FAT3: variants seen among roughly 807,000 people sequenced by gnomAD.
FAT3 encodes protocadherin Fat 3.
In FAT3, 95 loss-of-function variants were observed where a neutral mutation model predicts 310.2. The ratio of observed to expected loss-of-function variants is 0.31; its 90% CI spans 0.26 to 0.36. The LOEUF is 0.36. Ranked by LOEUF, FAT3 falls within the 10% of genes least tolerant of loss-of-function variation. The probability of loss-of-function intolerance (pLI) is 1.00; values close to 1 mark genes in which losing one functional copy is unlikely to be tolerated. For synonymous variants in FAT3, 2,314 were observed against 2,192.9 expected (o/e 1.06, Z -1.54); for missense variants, 5,408 against 5,715.6 (o/e 0.95, Z 1.74).
intron 1 of FAT3, among the ~76,000 whole-genome samples, chr11:92,308,230 A>ATTATCTGTG (rs1486902957): frequency 6.6e-6 from 1 of 152,090 alleles, no homozygotes; most frequent in Non-Finnish European, 1.5e-5. Flanking sequence ...AGGTTGTTTG[A>ATTATCTGTG]TTATCTGTGT....
In FAT3 at chr11:92,831,759, G is replaced by C; in HGVS notation, c.9619G>C (p.Ala3207Pro). 1 of 1,613,512 alleles carries C rather than the reference G, an allele frequency of 6.2e-7. No homozygotes were observed. Residue 3207 changes from alanine to proline, a missense_variant, in exon 14 of 28, where the codon GCC (alanine) becomes CCC (proline). Ala to Pro is a conservative substitution (Grantham distance 27). This residue lies in a region of FAT3 where 4,588 missense variants were observed against 4,809.8 expected (regional missense o/e 0.95). Transcript: ENST00000525166. ...QQSSYNISVR[A>P]TDQSPGQSLS... is the part of the protein sequence containing the mutation. ...GTCTTCGTACAACATCAGCGTGCGG[G>C]CCACTGACCAGAGTCCTGGACAGTC...
intron 1 of FAT3, among the ~76,000 whole-genome samples, chr11:92,250,973 C>A (rs1287240778): frequency 1.3e-5 from 2 of 152,056 alleles, no homozygotes; most frequent in Admixed American, 6.6e-5. Flanking sequence ...AAAGTCAAAT[C>A]AATGGAGTGA....
Position 92,353,055 on chromosome 11 carries a change from G to A in FAT3, c.943G>A (p.Ala315Thr). The A allele has an allele frequency of 6.2e-7, 1 of 1,613,602 alleles. No individual in the cohort carries two copies. The highest frequency in any genetic ancestry group is 1.1e-5 in the South Asian group (1 of 91,060). Residue 315 changes from alanine to threonine, a missense_variant, in exon 2 of 28, where the codon GCT becomes ACT. By Grantham distance (58) the Ala-to-Thr change is moderately conservative. Around this residue, in one of 5 missense-constraint regions of FAT3, gnomAD observed 4,588 missense variants for 4,809.8 expected, o/e 0.95. Transcript: ENST00000525166. ...GGATCCTTTAGATCAGTTCTTCCTG[G>A]CTAAGGAAGGAAAGTGGTTGAATGA... ...AGDPLDQFFL[A>T]KEGKWLNEYK...
At chr11:92,436,253 C>T (rs1022793393) in intron 2 of FAT3, among the ~76,000 whole-genome samples, 5 of 152,276 alleles carry the variant, frequency 3.3e-5, no homozygotes, top group Admixed American at 1.3e-4. Flanking sequence ...AGTACTCCCA[C>T]GTCAGCCTCC....
intron 1 of FAT3, among the ~76,000 whole-genome samples, chr11:92,327,228 C>T (rs1030566928): frequency 6.6e-6 from 1 of 151,948 alleles, no homozygotes; most frequent in Non-Finnish European, 1.5e-5. Flanking sequence ...ATAGAAGATT[C>T]CCTTTTATTT....
rs761992062 is a variant in FAT3 at position 92,801,183 on chromosome 11, G to T, written c.8170G>T (p.Gly2724Trp). 1.2e-6 allele frequency: 2 copies of T among 1,613,876 alleles called. No homozygotes were observed. The highest frequency in any genetic ancestry group is 3.3e-5 in the Admixed American group (2 of 60,006). Reference sequence around the variant, plus strand: ...TACCATTGCAGAAGATACAGCCATTGGGAGTACAGTGGACACCCTGAGGAT... The same window carrying T: ...TACCATTGCAGAAGATACAGCCATTTGGAGTACAGTGGACACCCTGAGGAT... ...SFTIAEDTAI[G>W]STVDTLRILP... Residue 2724 changes from glycine (G) to tryptophan (W), a missense_variant, in exon 10 of 28, where the codon GGG (glycine) becomes TGG (tryptophan). Physicochemically the swap from Gly to Trp is radical, Grantham distance 184. Around this residue, in one of 5 missense-constraint regions of FAT3, gnomAD observed 4,588 missense variants for 4,809.8 expected, o/e 0.95. Transcript: ENST00000525166.
At chr11:92,336,025 C>G in intron 1 of FAT3, 1 of 486,570 alleles carries the variant, frequency 2.1e-6, no homozygotes, top group Non-Finnish European at 4.0e-6. Flanking sequence ...CTCCACTCAG[C>G]AACTGGTCAG....
chr11:92,282,311 C>T (rs1259895953), intron 1 of FAT3, among the ~76,000 whole-genome samples: 1 of 152,084 alleles, frequency 6.6e-6, no homozygotes, highest in African/African-American at 2.4e-5. Context: ...TTTTTTTCTG[C>T]ATCTTATTCC....
At chr11:92,641,874 A>G (rs1433347621) in intron 3 of FAT3, among the ~76,000 whole-genome samples, 2 of 152,254 alleles carry the variant, frequency 1.3e-5, no homozygotes, top group East Asian at 3.8e-4. Context: ...TCAAGCAAAC[A>G]AAAACAATGG....
intron 2 of FAT3, among the ~76,000 whole-genome samples, chr11:92,368,844 A>G (rs1409746978): frequency 6.8e-6 from 1 of 146,804 alleles, no homozygotes; most frequent in Non-Finnish European, 1.5e-5. Flanking sequence ...ATATATATAT[A>G]TATACACACA....
At chr11:92,486,489 T>G (rs1220800924) in intron 2 of FAT3, among the ~76,000 whole-genome samples, 1 of 152,118 alleles carries the variant, frequency 6.6e-6, no homozygotes, top group African/African-American at 2.4e-5. Context: ...TTCATTTCGT[T>G]CATTTATTAA....
intron 1 of FAT3, among the ~76,000 whole-genome samples, chr11:92,233,967 C>T (rs1358897830): frequency 6.6e-6 from 1 of 152,102 alleles, no homozygotes; most frequent in African/African-American, 2.4e-5. Flanking sequence ...TACCTCATAT[C>T]CAAAGAGAAA....
chr11:92,806,315 C>A (rs1369055786), intron 11 of FAT3, 47 bp from the exon 12 acceptor site: 2 of 1,497,230 alleles, frequency 1.3e-6, no homozygotes, highest in African/African-American at 2.8e-5. Context: ...TGGCAATTGC[C>A]CCCACAAATA....
In FAT3 at chr11:92,658,984, T is replaced by C. The variant is rs552721072; in HGVS notation, c.3608-38400T>C. On this transcript the variant is annotated intron_variant, in intron 3 of 27. Transcript: ENST00000525166. ...AACATCAACATTGCCATCATTTTCCTGGCCCCTTTTCAGTTCATCAAATCC... is the reference window on the plus strand; with the variant it reads ...AACATCAACATTGCCATCATTTTCCCGGCCCCTTTTCAGTTCATCAAATCC... Among the ~76,000 whole-genome samples the C allele has an allele frequency of 5.9e-5, 9 of 152,230 alleles. No individual in the cohort carries two copies. The South Asian group carries it at 1.9e-3, about 32-fold the overall frequency.
At chr11:92,850,181 C>T (rs918530676) in intron 19 of FAT3, among the ~76,000 whole-genome samples, 2 of 152,172 alleles carry the variant, frequency 1.3e-5, no homozygotes, top group African/African-American at 4.8e-5. Flanking sequence ...TTGAGTAACC[C>T]TCAGTGTTGT....
At chr11:92,317,527 A>C (rs1430331546) in intron 1 of FAT3, among the ~76,000 whole-genome samples, 2 of 152,194 alleles carry the variant, frequency 1.3e-5, no homozygotes, top group Admixed American at 6.5e-5. Context: ...AAATAAAGCC[A>C]TTCTCTAAGG....
At chr11:92,278,729 T>C (rs941951898) in intron 1 of FAT3, among the ~76,000 whole-genome samples, 1 of 152,206 alleles carries the variant, frequency 6.6e-6, no homozygotes, top group Admixed American at 6.5e-5. Context: ...TAGTTTTGAA[T>C]CCTATTTGCA....
intron 4 of FAT3, among the ~76,000 whole-genome samples, chr11:92,710,827 C>T (rs999808930): frequency 4.6e-5 from 7 of 152,308 alleles, no homozygotes; most frequent in Non-Finnish European, 8.8e-5. Context: ...AGGGCATCAA[C>T]ATGTAAGGAA....
At chr11:92,428,192 T>G (rs2135011757) in intron 2 of FAT3, among the ~76,000 whole-genome samples, 1 of 152,238 alleles carries the variant, frequency 6.6e-6, no homozygotes, top group Non-Finnish European at 1.5e-5. Flanking sequence ...CGGATGGTAG[T>G]TTGTATTTCT....
Sources: allele counts gnomAD v4.1 joint callset (sites outside exome capture counted in the v4.1 genomes callset), GRCh38; gene constraint gnomAD v4.1.1; regional missense constraint gnomAD v4.1.1; transcripts MANE v1.5; gene names NCBI Gene and HGNC (gene_info 2026-07-23, HGNC 2026-07-21).